Variants in FRK observed in about 807,000 individuals in gnomAD.
The protein encoded by FRK is fyn related Src family tyrosine kinase, also known as tyrosine-protein kinase FRK.
Under a neutral mutation model 56.4 loss-of-function variants are expected in FRK, and 51 were observed. The observed-to-expected ratio is 0.90, with a 90% confidence interval of 0.72 to 1.14. The LOEUF (loss-of-function observed/expected upper bound fraction) is 1.14. Among genes scored for constraint, FRK ranks in the 50% most tolerant of loss-of-function variants. The probability of loss-of-function intolerance (pLI) is 0.00; values close to 1 mark genes in which losing one functional copy is unlikely to be tolerated. For synonymous variants in FRK, 245 were observed against 217.9 expected, an observed-to-expected ratio of 1.12 and a Z score of -1.10; for missense variants, 570 against 601.4, an observed-to-expected ratio of 0.95 and a Z score of 0.55.
chr6:115,972,208 C>G lies in FRK; in HGVS notation c.467-3469G>C, dbSNP rs184149974. ...GGGCAAAACCCAAAACTCCTCCAGA[C>G]TGTCCATCTACAGTGCCATGGCACT... On this transcript the variant is annotated intron_variant, in intron 2 of 7. Coordinates refer to ENST00000606080, the MANE Select transcript of FRK (RefSeq NM_002031.3). 9.2e-5 allele frequency among the ~76,000 whole-genome samples: 14 copies of G among 152,326 alleles called. No homozygotes were observed. The East Asian group carries it at 2.5e-3, about 27-fold the overall frequency.
chr6:116,061,339 C>A (rs886944308), upstream of FRK, among the ~76,000 whole-genome samples: 1 of 151,230 alleles, frequency 6.6e-6, no homozygotes, highest in Non-Finnish European at 1.5e-5. Flanking sequence ...TGCTGAGAAC[C>A]CAAAATGTTG....
intron 1 of FRK, among the ~76,000 whole-genome samples, chr6:116,033,602 G>T (rs1424373923): frequency 6.6e-6 from 1 of 152,126 alleles, no homozygotes; most frequent in Non-Finnish European, 1.5e-5. Flanking sequence ...TGTGGCAGAA[G>T]TGGAAGAAGC....
intron 5 of FRK, among the ~76,000 whole-genome samples, chr6:115,951,237 T>C (rs1056930357): frequency 2.0e-5 from 3 of 152,198 alleles, no homozygotes; most frequent in Non-Finnish European, 4.4e-5. Flanking sequence ...AGAAATTGCC[T>C]GTCACAAGGT....
the FRK span, among the ~76,000 whole-genome samples, chr6:116,096,152 CG>C: frequency 6.6e-6 from 1 of 152,176 alleles, no homozygotes; most frequent in African/African-American, 2.4e-5. Context: ...ACCGAGGACC[CG>C]TGGACAAACC....
At position 115,932,193 on chromosome 6, in the gene FRK, T is replaced by A. The variant is rs552328860; in HGVS notation, c.*10221A>T. On this transcript the variant is annotated 3_prime_UTR_variant, in exon 8 of 8. Coordinates refer to ENST00000606080, the MANE Select transcript of FRK (RefSeq NM_002031.3). ...TTATATACTACTTTGTTCTCCAGTA[T>A]ATTTCTAAATTTCATAAATAACTTG... 6.6e-6 allele frequency: 1 copy of A among 152,222 alleles called. No homozygotes were observed. Among genetic ancestry groups the A allele is most frequent in the African/African-American group, 2.4e-5 (1 of 41,464 alleles). 9.4% of individuals were successfully genotyped at this position (152,222 alleles called of 1,614,324 possible).
chr6:116,014,769 A>T (rs1775588048), intron 1 of FRK, among the ~76,000 whole-genome samples: 1 of 152,198 alleles, frequency 6.6e-6, no homozygotes, highest in South Asian at 2.1e-4. Context: ...TTCTTTAAAA[A>T]TTGTTTCACA....
At chr6:116,083,484 G>A in the FRK span, among the ~76,000 whole-genome samples, 1 of 152,136 alleles carries the variant, frequency 6.6e-6, no homozygotes, top group Non-Finnish European at 1.5e-5. Flanking sequence ...ATTTTTGAGA[G>A]GATGCATAAG....
At chr6:116,076,493 A>G in the FRK span, among the ~76,000 whole-genome samples, 6 of 152,158 alleles carry the variant, frequency 3.9e-5, no homozygotes, top group African/African-American at 1.4e-4. Context: ...AGAAATTATT[A>G]TTTTTTTCAT....
chr6:115,967,769 T>A, intron 3 of FRK, 50 bp from the exon 4 acceptor site: 2 of 1,305,408 alleles, frequency 1.5e-6, no homozygotes, highest in Non-Finnish European at 2.1e-6. Context: ...AAAGTAGATT[T>A]AATATTATTT....
At chr6:116,063,649 G>A (rs1304738586), upstream of FRK, among the ~76,000 whole-genome samples, 1 of 152,064 alleles carries the variant, frequency 6.6e-6, no homozygotes, top group Non-Finnish European at 1.5e-5. Context: ...TCGAGACTGT[G>A]GATATGTTAA....
chr6:116,042,047 T>C (rs1184137133), intron 1 of FRK, among the ~76,000 whole-genome samples: 1 of 152,206 alleles, frequency 6.6e-6, no homozygotes, highest in Admixed American at 6.5e-5. Context: ...CCTGGGACAC[T>C]AGAGCTTGGT....
Position 116,053,106 on chromosome 6 carries a change from T to C in FRK, c.344+6862A>G, listed in dbSNP as rs570915981. 1.9e-4 allele frequency among the ~76,000 whole-genome samples: 29 copies of C among 152,188 alleles called. 1 individual carries two copies. The East Asian group carries it at 5.2e-3, about 27-fold the overall frequency. On this transcript the variant is annotated intron_variant, in intron 1 of 7. Transcript: ENST00000606080. ...AAGACATTACAGAGTCAAATTCAAA[T>C]CTAGATCATCTGAGCCTATATTTTA...
At chr6:116,056,098 T>C (rs985088911) in intron 1 of FRK, among the ~76,000 whole-genome samples, 2 of 152,178 alleles carry the variant, frequency 1.3e-5, no homozygotes, top group South Asian at 2.1e-4. Flanking sequence ...TTCTGGGAGA[T>C]TAAACTGATC....
chr6:116,077,193 T>C, the FRK span, among the ~76,000 whole-genome samples: 1 of 152,166 alleles, frequency 6.6e-6, no homozygotes, highest in African/African-American at 2.4e-5. Context: ...TATAACAAAA[T>C]AGAAAAACAG....
intron 2 of FRK, chr6:116,002,843 G>A (rs1398253216): frequency 2.7e-6 from 1 of 365,242 alleles, no homozygotes; most frequent in South Asian, 2.0e-5. Flanking sequence ...CAACCCATCT[G>A]CCCTGATATT....
the FRK span, among the ~76,000 whole-genome samples, chr6:116,084,547 A>G: frequency 6.6e-6 from 1 of 152,202 alleles, no homozygotes; most frequent in Non-Finnish European, 1.5e-5. Flanking sequence ...GCCTTATTCA[A>G]ATAGCTGTAG....
chr6:116,066,092 T>C, the FRK span, among the ~76,000 whole-genome samples: 58,071 of 152,088 alleles, frequency 0.38, 12,261 homozygotes, highest in East Asian at 0.77. Context: ...TGCAAAGTAT[T>C]GATCCTGGGT....
At chr6:116,079,516 A>G in the FRK span, among the ~76,000 whole-genome samples, 1 of 151,742 alleles carries the variant, frequency 6.6e-6, no homozygotes, top group Non-Finnish European at 1.5e-5. Context: ...TGTGTCTTTT[A>G]ATAAAAAGAA....
chr6:116,077,835 G>C, the FRK span, among the ~76,000 whole-genome samples: 7 of 152,174 alleles, frequency 4.6e-5, no homozygotes, highest in Non-Finnish European at 2.9e-5. Flanking sequence ...TATGCAACTG[G>C]ATGTTGACAT....
Sources: allele counts gnomAD v4.1 joint callset (sites outside exome capture counted in the v4.1 genomes callset), GRCh38; gene constraint gnomAD v4.1.1; transcripts MANE v1.5; gene names NCBI Gene and HGNC (gene_info 2026-07-23, HGNC 2026-07-21).